SOX5: variants seen among roughly 807,000 people sequenced by gnomAD.
SOX5 encodes transcription factor SOX-5.
SOX5 carries 9 observed loss-of-function variants against 92.0 expected under a neutral mutation model. That is an observed-to-expected ratio of 0.10 (90% CI 0.06 to 0.17). SOX5 has a LOEUF of 0.17. Ranked by LOEUF, SOX5 falls within the 10% of genes least tolerant of loss-of-function variation. The pLI, the probability that SOX5 is intolerant of heterozygous loss-of-function variation, is 1.00. For missense variants in SOX5, 642 were observed against 944.5 expected, an observed-to-expected ratio of 0.68 and a Z score of 4.20; for synonymous variants, 344 against 336.3, an observed-to-expected ratio of 1.02 and a Z score of -0.25.
intron 6 of SOX5, among the ~76,000 whole-genome samples, chr12:23,729,301 T>C (rs1013588418): frequency 2.2e-4 from 34 of 152,312 alleles, no homozygotes; most frequent in African/African-American, 7.7e-4. Flanking sequence ...AGATATCAGA[T>C]GTGAAGATGC....
intron 8 of SOX5, among the ~76,000 whole-genome samples, chr12:23,636,906 G>A (rs181837225): frequency 9.9e-5 from 15 of 152,212 alleles, no homozygotes; most frequent in East Asian, 5.8e-4. Flanking sequence ...CTGTGACCCC[G>A]CTTTCTTCTT....
chr12:24,170,499 T>C (rs569227681), intron 4 of SOX5, among the ~76,000 whole-genome samples: 1 of 152,282 alleles, frequency 6.6e-6, no homozygotes, highest in East Asian at 1.9e-4. Context: ...GAAGCAGACT[T>C]AAAATGTGCC....
chr12:24,051,787 C>T (rs911484568), intron 4 of SOX5, among the ~76,000 whole-genome samples: 1 of 152,124 alleles, frequency 6.6e-6, no homozygotes, highest in Non-Finnish European at 1.5e-5. Flanking sequence ...GTATTTCTAG[C>T]TTCATTCTCC....
At chr12:24,452,992 T>C (rs1596828052) in intron 1 of SOX5, among the ~76,000 whole-genome samples, 1 of 152,226 alleles carries the variant, frequency 6.6e-6, no homozygotes, top group Non-Finnish European at 1.5e-5. Context: ...TAGACTTGTT[T>C]CAGAAGAATG....
chr12:23,937,681 C>T (rs1942874693), intron 1 of SOX5, among the ~76,000 whole-genome samples: 1 of 150,856 alleles, frequency 6.6e-6, no homozygotes, highest in Non-Finnish European at 1.5e-5. Context: ...TATCCTGAGG[C>T]AGAGCACTAA....
At chr12:24,238,971 G>A (rs1965056494) in intron 3 of SOX5, among the ~76,000 whole-genome samples, 1 of 152,148 alleles carries the variant, frequency 6.6e-6, no homozygotes, top group Admixed American at 6.6e-5. Context: ...GGCCACAAGA[G>A]CTAACAAAGG....
chr12:23,741,790 G>A (rs1182218657), intron 4 of SOX5, among the ~76,000 whole-genome samples: 1 of 152,056 alleles, frequency 6.6e-6, no homozygotes, highest in African/African-American at 2.4e-5. Context: ...ATCACATTAT[G>A]GTCACGTAAG....
intron 4 of SOX5, among the ~76,000 whole-genome samples, chr12:23,995,606 GAGA>G (rs1000808549): frequency 6.6e-6 from 1 of 152,116 alleles, no homozygotes; most frequent in Non-Finnish European, 1.5e-5. Flanking sequence ...GCTAAGGAGG[GAGA>G]ATTGCTTGAG....
intron 6 of SOX5, among the ~76,000 whole-genome samples, chr12:23,671,142 G>C (rs1045192250): frequency 1.3e-5 from 2 of 152,146 alleles, no homozygotes; most frequent in Non-Finnish European, 2.9e-5. Flanking sequence ...TAAAGGAACA[G>C]GTCTTATGAG....
intron 4 of SOX5, among the ~76,000 whole-genome samples, chr12:24,114,100 T>TA (rs1338131745): frequency 6.6e-6 from 1 of 152,162 alleles, no homozygotes; most frequent in African/African-American, 2.4e-5. Flanking sequence ...TGCCCATTGA[T>TA]AAGCTCTGTC....
intron 4 of SOX5, among the ~76,000 whole-genome samples, chr12:24,093,487 C>T (rs1385290364): frequency 4.0e-5 from 6 of 150,580 alleles, no homozygotes; most frequent in African/African-American, 1.5e-4. Flanking sequence ...CGCGCCACTG[C>T]ACTCCAGCCT....
At chr12:23,596,230 G>A (rs918441676) in intron 9 of SOX5, among the ~76,000 whole-genome samples, 3 of 151,900 alleles carry the variant, frequency 2.0e-5, no homozygotes, top group African/African-American at 4.8e-5. Flanking sequence ...TCAGTATATC[G>A]TTCTCTTTCT....
intron 4 of SOX5, among the ~76,000 whole-genome samples, chr12:24,093,501 C>A (rs1944923958): frequency 6.7e-6 from 1 of 149,150 alleles, no homozygotes; most frequent in East Asian, 2.0e-4. Context: ...CCAGCCTGGG[C>A]GACAGGGCAA....
intron 4 of SOX5, among the ~76,000 whole-genome samples, chr12:24,015,132 C>T (rs1008555087): frequency 1.3e-5 from 2 of 151,568 alleles, no homozygotes; most frequent in Admixed American, 6.6e-5. Flanking sequence ...CTTTTTTCCC[C>T]CTCTAAACAA....
chr12:23,701,501 C>T (rs933558361), intron 6 of SOX5, among the ~76,000 whole-genome samples: 2 of 152,040 alleles, frequency 1.3e-5, no homozygotes, highest in Non-Finnish European at 2.9e-5. Context: ...AACTTTAACA[C>T]ATGAATCTTT....
At chr12:23,895,707 A>T (rs2097170223) in intron 2 of SOX5, 86 bp downstream of exon 2, 7 of 856,782 alleles carry the variant, frequency 8.2e-6, no homozygotes, top group Non-Finnish European at 1.2e-5. Context: ...GATGTTAATT[A>T]TAAAGCAAAG....
intron 1 of SOX5, among the ~76,000 whole-genome samples, chr12:23,945,390 G>A (rs1009015123): frequency 6.6e-6 from 1 of 152,098 alleles, no homozygotes; most frequent in South Asian, 2.1e-4. Flanking sequence ...ACATTTCTGT[G>A]TCTATCAAAC....
chr12:24,360,162 T>C (rs887040188), intron 2 of SOX5, among the ~76,000 whole-genome samples: 1 of 152,242 alleles, frequency 6.6e-6, no homozygotes, highest in Non-Finnish European at 1.5e-5. Context: ...TTTATTTCTG[T>C]GTAACTTCCT....
chr12:23,740,303 T>A (rs2093749074), intron 5 of SOX5, among the ~76,000 whole-genome samples: 1 of 152,212 alleles, frequency 6.6e-6, no homozygotes, highest in Non-Finnish European at 1.5e-5. Flanking sequence ...CTCAACTCTT[T>A]TCCTTTCCCT....
Sources: allele counts gnomAD v4.1 joint callset (sites outside exome capture counted in the v4.1 genomes callset), GRCh38; gene constraint gnomAD v4.1.1; transcripts MANE v1.5; gene names NCBI Gene and HGNC (gene_info 2026-07-23, HGNC 2026-07-21).